The following ST3GAL3 variants were observed in gnomAD, a reference collection of about 807,000 sequenced individuals.
ST3GAL3 encodes the protein CMP-N-acetylneuraminate-beta-1,4-galactoside alpha-2,3-sialyltransferase.
Under a neutral mutation model 50.1 loss-of-function variants are expected in ST3GAL3, and 21 were observed. The ratio of observed to expected loss-of-function variants is 0.42; its 90% CI spans 0.30 to 0.60. The LOEUF (loss-of-function observed/expected upper bound fraction) is 0.60, where lower values mean the gene tolerates loss of function less well. Ranked by LOEUF, ST3GAL3 falls within the 20% of genes least tolerant of loss-of-function variation. The probability of loss-of-function intolerance (pLI) is 0.19; values close to 1 mark genes in which losing one functional copy is unlikely to be tolerated. For synonymous variants in ST3GAL3, 183 were observed against 190.0 expected (o/e 0.96, Z 0.30); for missense variants, 353 against 489.4 (o/e 0.72, Z 2.63).
At position 43,875,577 on chromosome 1, in the gene ST3GAL3, G is replaced by A. The variant is rs115072195; in HGVS notation, c.303-18806G>A. ...GATCATGGGGGGTTTCCCCCATGCT[G>A]TTCTCATGATAGTGAATGGTTTTAT... On this transcript the variant is annotated intron_variant, in intron 5 of 11. Coordinates refer to ENST00000347631, the MANE Select transcript of ST3GAL3 (RefSeq NM_006279.5). Among the ~76,000 whole-genome samples, 144 of 152,170 alleles carry A rather than the reference G, an allele frequency of 9.5e-4. 1 individual carries two copies. The highest frequency in any genetic ancestry group is 6.8e-3 in the Middle Eastern group (2 of 294).
At chr1:43,914,110 ATC>A (rs2081385673) in intron 9 of ST3GAL3, 1 of 152,202 alleles carries the variant, frequency 6.6e-6, no homozygotes, top group Admixed American at 6.5e-5. Flanking sequence ...TCCCCATCAG[ATC>A]GCCAAGGGGG....
intron 3 of ST3GAL3, among the ~76,000 whole-genome samples, chr1:43,792,389 A>G (rs548648835): frequency 6.6e-6 from 1 of 152,310 alleles, no homozygotes; most frequent in East Asian, 1.9e-4. Context: ...CTCCCTCTTC[A>G]TTCAGAGTTG....
intron 2 of ST3GAL3, among the ~76,000 whole-genome samples, chr1:43,780,769 C>T (rs1248333576): frequency 1.3e-5 from 2 of 152,042 alleles, no homozygotes; most frequent in African/African-American, 4.8e-5. Flanking sequence ...CCACCTGTTT[C>T]ACGAATAACA....
intron 2 of ST3GAL3, among the ~76,000 whole-genome samples, chr1:43,790,673 C>T (rs2057953047): frequency 6.7e-6 from 1 of 150,134 alleles, no homozygotes; most frequent in East Asian, 1.9e-4. Context: ...TGCTCTGTCA[C>T]CAGGCTGGAG....
chr1:43,826,670 T>C (rs964935585), intron 4 of ST3GAL3, among the ~76,000 whole-genome samples: 5 of 152,226 alleles, frequency 3.3e-5, no homozygotes, highest in Non-Finnish European at 5.9e-5. Flanking sequence ...ATATCTCTCA[T>C]GAACATGCTC....
chr1:43,930,605 A>C lies in ST3GAL3; in HGVS notation c.*384A>C. 1 of 347,454 alleles carries C rather than the reference A, an allele frequency of 2.9e-6. No individual in the cohort carries two copies. Among genetic ancestry groups the C allele is most frequent in the Non-Finnish European group, 5.6e-6 (1 of 178,208 alleles). The allele number at this position is 347,454 out of a possible 1,614,324, so 21.5% of individuals were successfully genotyped here. ...AATTTATTTTTAAATAAGGTTGGAG[A>C]TGTCAAGTTGGGTTCACTTGCCATG... On this transcript the variant is annotated 3_prime_UTR_variant, in exon 12 of 12. Coordinates refer to ENST00000347631, the MANE Select transcript of ST3GAL3 (RefSeq NM_006279.5).
intron 6 of ST3GAL3, chr1:43,896,694 C>G (rs953393638): frequency 5.3e-5 from 8 of 152,214 alleles, no homozygotes; most frequent in African/African-American, 1.9e-4. Flanking sequence ...CAAGCACACA[C>G]TAGCACTCCT....
chr1:43,928,554 C>T (rs547942045), intron 11 of ST3GAL3, among the ~76,000 whole-genome samples: 5 of 151,518 alleles, frequency 3.3e-5, no homozygotes, highest in Admixed American at 1.3e-4. Context: ...GAGCCAAGAT[C>T]GTGCCACTGC....
intron 2 of ST3GAL3, among the ~76,000 whole-genome samples, chr1:43,742,943 C>T (rs1435348423): frequency 2.0e-5 from 3 of 151,964 alleles, no homozygotes; most frequent in Non-Finnish European, 4.4e-5. Flanking sequence ...ACTAAAAATA[C>T]AAAATTTAGC....
chr1:43,775,558 C>T (rs796346966), intron 2 of ST3GAL3, among the ~76,000 whole-genome samples: 10 of 152,274 alleles, frequency 6.6e-5, no homozygotes, highest in African/African-American at 2.4e-4. Flanking sequence ...TATGTGAAAT[C>T]TCCTGACTTA....
intron 2 of ST3GAL3, among the ~76,000 whole-genome samples, chr1:43,788,863 G>A (rs1379635843): frequency 6.6e-6 from 1 of 151,418 alleles, no homozygotes; most frequent in Non-Finnish European, 1.5e-5. Context: ...GCCTAAAGAA[G>A]TAAGTGAGCA....
At chr1:43,746,023 CAAT>C (rs946022184) in intron 2 of ST3GAL3, among the ~76,000 whole-genome samples, 3 of 152,206 alleles carry the variant, frequency 2.0e-5, no homozygotes, top group African/African-American at 7.2e-5. Flanking sequence ...GATATTTGCA[CAAT>C]GACGAAATTG....
chr1:43,908,568 A>G (rs1039362570), intron 9 of ST3GAL3, among the ~76,000 whole-genome samples: 21 of 151,766 alleles, frequency 1.4e-4, no homozygotes, highest in Admixed American at 5.9e-4. Context: ...TAAAACTTCA[A>G]TTCCACAGCA....
chr1:43,823,345 G>A (rs2062353379), intron 4 of ST3GAL3, among the ~76,000 whole-genome samples: 2 of 152,040 alleles, frequency 1.3e-5, no homozygotes, highest in African/African-American at 4.8e-5. Flanking sequence ...TCTCCTTCTT[G>A]TTTATTGTTT....
chr1:43,772,969 G>C (rs762870338), intron 2 of ST3GAL3, among the ~76,000 whole-genome samples: 4 of 152,022 alleles, frequency 2.6e-5, no homozygotes, highest in Non-Finnish European at 5.9e-5. Context: ...GGATGGTCTC[G>C]ATCTCTTGAC....
intron 11 of ST3GAL3, chr1:43,921,935 C>G: frequency 2.5e-6 from 1 of 396,654 alleles, no homozygotes; most frequent in South Asian, 1.4e-4. Flanking sequence ...CTTTCCTGAT[C>G]TCTCAGAAAC....
intron 2 of ST3GAL3, among the ~76,000 whole-genome samples, chr1:43,765,543 T>C (rs895083767): frequency 3.3e-5 from 5 of 152,100 alleles, no homozygotes; most frequent in African/African-American, 1.2e-4. Flanking sequence ...TGTTTTAGGT[T>C]CCCCACACTT....
At chr1:43,861,720 A>G (rs2069978054) in intron 5 of ST3GAL3, among the ~76,000 whole-genome samples, 1 of 152,120 alleles carries the variant, frequency 6.6e-6, no homozygotes, top group Admixed American at 6.6e-5. Flanking sequence ...GCTTCTCCAT[A>G]TTCTTTGCCT....
intron 5 of ST3GAL3, chr1:43,850,212 G>C (rs562640695): frequency 3.1e-6 from 1 of 320,966 alleles, no homozygotes; most frequent in East Asian, 7.6e-5. Context: ...GGTCCCTTGT[G>C]GGGCAGCTTG....
Sources: allele counts gnomAD v4.1 joint callset (sites outside exome capture counted in the v4.1 genomes callset), GRCh38; gene constraint gnomAD v4.1.1; transcripts MANE v1.5; gene names NCBI Gene and HGNC (gene_info 2026-07-23, HGNC 2026-07-21).